PHLDB2: variants seen among roughly 807,000 people sequenced by gnomAD.
PHLDB2 encodes pleckstrin homology like domain family B member 2.
In PHLDB2, 71 loss-of-function variants were observed where a neutral mutation model predicts 123.6. The observed-to-expected ratio is 0.57, with a 90% confidence interval of 0.47 to 0.70. The LOEUF is 0.70. Among genes scored for constraint, PHLDB2 ranks in the 30% least tolerant of loss-of-function variants. PHLDB2 has a pLI of 0.00. For missense variants in PHLDB2, 1,446 were observed against 1,519.5 expected (o/e 0.95, Z 0.80); for synonymous variants, 547 against 541.6 (o/e 1.01, Z -0.14).
At chr3:111,939,076 G>A (rs2069696760) in intron 6 of PHLDB2, among the ~76,000 whole-genome samples, 1 of 152,110 alleles carries the variant, frequency 6.6e-6, no homozygotes, top group Non-Finnish European at 1.5e-5. Context: ...CCAAAGTGCT[G>A]GGATTACATG....
intron 1 of PHLDB2, among the ~76,000 whole-genome samples, chr3:111,769,137 T>C (rs1328702119): frequency 6.6e-6 from 1 of 152,206 alleles, no homozygotes; most frequent in African/African-American, 2.4e-5. Flanking sequence ...CACTCATCAG[T>C]TATCCTGTGG....
intron 1 of PHLDB2, among the ~76,000 whole-genome samples, chr3:111,862,760 G>A (rs956810056): frequency 3.9e-5 from 6 of 152,104 alleles, no homozygotes; most frequent in South Asian, 2.1e-4. Flanking sequence ...CATAGAGGTC[G>A]AGGAACTTGT....
chr3:111,890,911 C>G (rs886419494), intron 2 of PHLDB2, among the ~76,000 whole-genome samples: 3 of 151,992 alleles, frequency 2.0e-5, no homozygotes, highest in East Asian at 3.9e-4. Flanking sequence ...TTTTTGCCAG[C>G]CTTTTCGTTT....
chr3:111,772,858 A>C (rs1178866430), intron 1 of PHLDB2, among the ~76,000 whole-genome samples: 1 of 152,156 alleles, frequency 6.6e-6, no homozygotes, highest in Non-Finnish European at 1.5e-5. Flanking sequence ...CAGGCCCCAC[A>C]GGCCTGCACC....
chr3:111,957,542 A>T (rs1001405816), intron 12 of PHLDB2: 1 of 152,242 alleles, frequency 6.6e-6, no homozygotes, highest in Non-Finnish European at 1.5e-5. Flanking sequence ...TTGTTTTGTA[A>T]GATTCAGGAT....
intron 1 of PHLDB2, among the ~76,000 whole-genome samples, chr3:111,803,036 A>C (rs534105123): frequency 6.6e-6 from 1 of 152,376 alleles, no homozygotes; most frequent in South Asian, 2.1e-4. Context: ...GATGTTGTAC[A>C]AAAAGTTTTA....
At chr3:111,861,963 TC>T (rs1302030518) in intron 1 of PHLDB2, among the ~76,000 whole-genome samples, 1 of 152,158 alleles carries the variant, frequency 6.6e-6, no homozygotes, top group African/African-American at 2.4e-5. Context: ...TGCCTCAGCC[TC>T]CCGAGTAGCT....
chr3:111,825,318 T>C (rs1487513008), intron 1 of PHLDB2, among the ~76,000 whole-genome samples: 1 of 152,242 alleles, frequency 6.6e-6, no homozygotes, highest in African/African-American at 2.4e-5. Flanking sequence ...AGAGAGGTCC[T>C]TGGGGAGACT....
rs544598625 is a variant in PHLDB2, at chr3:111,805,263, T to TA, written c.-48-40550dup. On this transcript the variant is annotated intron_variant, in intron 1 of 17. Coordinates refer to the PHLDB2 transcript ENST00000393923. ...CATACAAGCTAATACTACTCAACAATAAAAAAAATTACTGGGGCCGGGCGC... is the reference window on the plus strand; with the variant it reads ...CATACAAGCTAATACTACTCAACAATAAAAAAAAATTACTGGGGCCGGGCGC... 9.9e-5 allele frequency among the ~76,000 whole-genome samples: 15 copies of TA among 151,952 alleles called. No homozygotes were observed. The South Asian group carries it at 1.2e-3, about 13-fold the overall frequency.
At chr3:111,779,743 T>C in intron 1 of PHLDB2, 2 of 554,466 alleles carry the variant, frequency 3.6e-6, no homozygotes, top group Non-Finnish European at 4.6e-6. Context: ...AAGATGAACA[T>C]ACAGGTGCAT....
intron 1 of PHLDB2, among the ~76,000 whole-genome samples, chr3:111,860,769 T>C (rs1050896130): frequency 2.0e-5 from 3 of 152,246 alleles, no homozygotes; most frequent in Non-Finnish European, 4.4e-5. Flanking sequence ...TAGAAATCTT[T>C]ATCCTGCAAC....
chr3:111,814,169 T>G (rs887088458), intron 1 of PHLDB2, among the ~76,000 whole-genome samples: 1 of 152,160 alleles, frequency 6.6e-6, no homozygotes, highest in Non-Finnish European at 1.5e-5. Flanking sequence ...TGATCTTGGG[T>G]GTGTCTGTGA....
rs562889438 is a variant in PHLDB2, at chr3:111,743,071, T to A, written c.-49+10368T>A. 1.2e-4 allele frequency among the ~76,000 whole-genome samples: 19 copies of A among 152,242 alleles called. No homozygotes were observed. In the South Asian group the frequency reaches 3.9e-3, roughly 32 times the overall value. ...ACTACCAAAGGAGTTGGGGTCCAAG[T>A]GGTATTTTAAAGAAAAGAAAATTTG... On this transcript the variant is annotated intron_variant, in intron 1 of 17. Coordinates refer to the PHLDB2 transcript ENST00000393923.
rs1000779253 is a variant in PHLDB2 at position 111,913,688 on chromosome 3, A to G, written c.1705A>G (p.Ser569Gly). 2 of 1,612,386 alleles carry G rather than the reference A, an allele frequency of 1.2e-6. No homozygotes were observed. The highest frequency in any genetic ancestry group is 1.7e-6 in the Non-Finnish European group (2 of 1,178,704). The change falls in exon 3 of 18, where the codon AGT (serine) becomes GGT (glycine). Residue 569 changes from serine to glycine, a missense_variant. Around this residue, in one of 3 missense-constraint regions of PHLDB2, gnomAD observed 832 missense variants for 831.9 expected, o/e 1.00. Transcript: ENST00000431670. ...PKASSESSYLSILPKTPEGIS... is the reference protein window; with the variant it reads ...PKASSESSYLGILPKTPEGIS... Reference sequence around the variant, plus strand: ...AGCTTCCAGCGAGTCCTCTTATCTAAGTATCCTACCAAAGGTAATGTTGGC... The same window carrying G: ...AGCTTCCAGCGAGTCCTCTTATCTAGGTATCCTACCAAAGGTAATGTTGGC...
intron 1 of PHLDB2, among the ~76,000 whole-genome samples, chr3:111,830,808 C>CAAAAAAAAAAA (rs11475835): frequency 1.9e-5 from 1 of 53,342 alleles, no homozygotes; most frequent in African/African-American, 7.7e-5. Context: ...GACTCCGTCT[C>CAAAAAAAAAAA]AAAAAAAAAA....
intron 2 of PHLDB2, among the ~76,000 whole-genome samples, chr3:111,886,807 C>A (rs185154642): frequency 6.6e-6 from 1 of 152,310 alleles, no homozygotes; most frequent in East Asian, 1.9e-4. Context: ...TAAATAATCT[C>A]TGCAGACTGT....
intron 2 of PHLDB2, among the ~76,000 whole-genome samples, chr3:111,852,550 A>T (rs1387947026): frequency 1.3e-5 from 2 of 152,050 alleles, no homozygotes; most frequent in African/African-American, 2.4e-5. Flanking sequence ...GAAAACCAAC[A>T]GAGAGAAGAG....
intron 1 of PHLDB2, among the ~76,000 whole-genome samples, chr3:111,837,014 G>A (rs1007552960): frequency 1.3e-5 from 2 of 152,172 alleles, no homozygotes; most frequent in East Asian, 1.9e-4. Flanking sequence ...TTTAGTGTCT[G>A]TAATACCTGC....
chr3:111,835,594 C>T (rs141291785), intron 1 of PHLDB2, among the ~76,000 whole-genome samples: 369 of 152,278 alleles, frequency 2.4e-3, no homozygotes, highest in African/African-American at 8.5e-3. Context: ...AAAACAATGA[C>T]AGTATTTATG....
Sources: allele counts gnomAD v4.1 joint callset (sites outside exome capture counted in the v4.1 genomes callset), GRCh38; gene constraint gnomAD v4.1.1; regional missense constraint gnomAD v4.1.1; transcripts MANE v1.5; gene names NCBI Gene and HGNC (gene_info 2026-07-23, HGNC 2026-07-21).